The following PTPRN2 variants were observed in gnomAD, a reference collection of about 807,000 sequenced individuals.
PTPRN2 encodes protein tyrosine phosphatase receptor type N2.
A neutral mutation model predicts 118.8 loss-of-function variants in PTPRN2; 74 were observed. The observed-to-expected ratio is 0.62, with a 90% CI of 0.52 to 0.76. The LOEUF (loss-of-function observed/expected upper bound fraction) is 0.76. PTPRN2 is among the 30% of genes least tolerant of loss of function. The pLI is 0.00. For missense variants in PTPRN2, 1,481 were observed against 1,394.4 expected (o/e 1.06, Z -0.99); for synonymous variants, 641 against 608.0 (o/e 1.05, Z -0.80).
intron 3 of PTPRN2, among the ~76,000 whole-genome samples, chr7:158,273,398 A>ATGGGAGGAGCTGCAGACAGACG (rs1563072451): frequency 7.1e-6 from 1 of 141,122 alleles, no homozygotes; most frequent in African/African-American, 2.9e-5. Context: ...GGATGCAGAC[A>ATGGGAGGAGCTGCAGACAGACG]CGGGAGGAGC....
At chr7:158,205,070 G>C (rs1467210289) in intron 4 of PTPRN2, 101 bp downstream of exon 4, 2 of 1,004,348 alleles carry the variant, frequency 2.0e-6, no homozygotes, top group African/African-American at 3.2e-5. Context: ...AAGATGGTGG[G>C]TGCTTTGCTA....
chr7:157,660,095 A>G (rs1423774744), intron 13 of PTPRN2, among the ~76,000 whole-genome samples: 1 of 152,098 alleles, frequency 6.6e-6, no homozygotes, highest in Non-Finnish European at 1.5e-5. Flanking sequence ...GACGTGGGGG[A>G]AAAGCACACT....
intron 2 of PTPRN2, among the ~76,000 whole-genome samples, chr7:158,431,758 T>G (rs1376347767): frequency 6.9e-6 from 1 of 145,558 alleles, no homozygotes; most frequent in Non-Finnish European, 1.5e-5. Flanking sequence ...TGGCTCACAA[T>G]GGCTCACACT....
chr7:157,901,892 C>T (rs558441377), intron 11 of PTPRN2, among the ~76,000 whole-genome samples: 20 of 148,754 alleles, frequency 1.3e-4, no homozygotes, highest in African/African-American at 5.1e-4. Flanking sequence ...GGGGCCTTCC[C>T]GTCCGTGTTT....
rs558253593 is a variant in PTPRN2 at position 158,522,486 on chromosome 7, GT to G, written c.113-32702del. ...AAGGTCCACGTCAGAATGGTGGACT[GT>G]TTTAAGAGGAAGGTCCACGTCAGAA... On this transcript the variant is annotated intron_variant, in intron 1 of 22. Coordinates refer to ENST00000389418, the MANE Select transcript of PTPRN2 (RefSeq NM_002847.5). 5.5e-4 allele frequency among the ~76,000 whole-genome samples: 83 copies of G among 151,390 alleles called. 2 individuals are homozygous for G. Among genetic ancestry groups the G allele is most frequent in the African/African-American group, 1.9e-3 (76 of 40,876 alleles).
intron 2 of PTPRN2, among the ~76,000 whole-genome samples, chr7:158,383,060 C>G (rs1811081937): frequency 6.6e-6 from 1 of 152,136 alleles, no homozygotes; most frequent in African/African-American, 2.4e-5. Context: ...GTCAGTATCC[C>G]ACAGTACATT....
At chr7:158,262,681 TACAC>T (rs929353773) in intron 3 of PTPRN2, among the ~76,000 whole-genome samples, 46 of 130,920 alleles carry the variant, frequency 3.5e-4, no homozygotes, top group African/African-American at 7.5e-4. Flanking sequence ...CATTCACACA[TACAC>T]ACATTCACAC....
chr7:158,140,273 C>A (rs1365619432), intron 6 of PTPRN2, among the ~76,000 whole-genome samples: 1 of 152,206 alleles, frequency 6.6e-6, no homozygotes, highest in Non-Finnish European at 1.5e-5. Flanking sequence ...GAGACTGTTT[C>A]AAAGGCGCCA....
intron 10 of PTPRN2, among the ~76,000 whole-genome samples, chr7:158,082,507 C>T (rs1368077845): frequency 5.9e-5 from 9 of 152,322 alleles, no homozygotes; most frequent in South Asian, 2.1e-4. Flanking sequence ...AGGGGACTGT[C>T]GTGCCATTAC....
At position 157,540,629 on chromosome 7, in the gene PTPRN2, T is replaced by A. The variant is rs1047830574; in HGVS notation, c.*85A>T. 15 of 1,198,202 alleles carry A rather than the reference T, an allele frequency of 1.3e-5. No individual in the cohort carries two copies. The African/African-American group carries it at 2.3e-4, about 18-fold the overall frequency. 74.2% of individuals were successfully genotyped at this position (1,198,202 alleles called of 1,614,324 possible). ...GGGCCCTATTACTATGCAGTTATAA[T>A]AGAAGACACACAATTAAAGTCAGAT... On this transcript the variant is annotated 3_prime_UTR_variant, in exon 23 of 23. Coordinates refer to ENST00000389418, the MANE Select transcript of PTPRN2 (RefSeq NM_002847.5).
At chr7:157,658,562 A>G (rs1795712811) in intron 13 of PTPRN2, among the ~76,000 whole-genome samples, 1 of 152,236 alleles carries the variant, frequency 6.6e-6, no homozygotes, top group South Asian at 2.1e-4. Context: ...GCCTGCAGGC[A>G]GGACACGGCC....
chr7:158,256,039 G>A (rs1327946465), intron 3 of PTPRN2, among the ~76,000 whole-genome samples: 2 of 152,182 alleles, frequency 1.3e-5, no homozygotes, highest in East Asian at 1.9e-4. Flanking sequence ...TTTGATTTTG[G>A]ATGCCGTGAT....
At chr7:158,334,325 C>CCA (rs146064039) in intron 2 of PTPRN2, among the ~76,000 whole-genome samples, 8 of 6,726 alleles carry the variant, frequency 1.2e-3, no homozygotes, top group African/African-American at 4.0e-3. Context: ...TCACTCACAC[C>CCA]CACACGTCAC....
chr7:158,218,708 C>T (rs1828133734), intron 3 of PTPRN2, among the ~76,000 whole-genome samples: 1 of 152,192 alleles, frequency 6.6e-6, no homozygotes, highest in African/African-American at 2.4e-5. Context: ...TGTAATGACA[C>T]ACTTTGGCTC....
chr7:158,155,628 C>CATCACCAATTCCATCAT (rs1821714101), intron 6 of PTPRN2, among the ~76,000 whole-genome samples: 1 of 34,690 alleles, frequency 2.9e-5, no homozygotes, highest in African/African-American at 1.0e-4. Flanking sequence ...ACTATCATCA[C>CATCACCAATTCCATCAT]CATCATCACC....
chr7:158,219,138 A>G (rs1055149783), intron 3 of PTPRN2, among the ~76,000 whole-genome samples: 1 of 152,112 alleles, frequency 6.6e-6, no homozygotes, highest in East Asian at 1.9e-4. Flanking sequence ...TCTGCACATG[A>G]CACATACTCT....
At chr7:157,573,089 C>A (rs373431419) in intron 19 of PTPRN2, among the ~76,000 whole-genome samples, 10 of 152,350 alleles carry the variant, frequency 6.6e-5, no homozygotes, top group African/African-American at 2.4e-4. Flanking sequence ...CCATTCCTGA[C>A]TCAGGCTGTA....
intron 17 of PTPRN2, among the ~76,000 whole-genome samples, chr7:157,589,469 G>A (rs561257410): frequency 6.7e-6 from 1 of 149,622 alleles, no homozygotes; most frequent in South Asian, 2.1e-4. Flanking sequence ...GCTTTCTAGA[G>A]AAAGGCTATC....
chr7:157,846,207 G>A (rs565930748), intron 12 of PTPRN2, among the ~76,000 whole-genome samples: 1 of 152,086 alleles, frequency 6.6e-6, no homozygotes, highest in Admixed American at 6.5e-5. Flanking sequence ...AAGCGGGGGT[G>A]GGAGTCACCA....
Sources: gnomAD v4.1 joint callset for allele counts (sites outside exome capture counted in the v4.1 genomes callset) on GRCh38, gnomAD v4.1.1 for gene constraint, MANE v1.5 for transcripts, NCBI Gene and HGNC (gene_info 2026-07-23, HGNC 2026-07-21) for gene names.